Variants in ZZEF1 observed in about 807,000 individuals in gnomAD.
ZZEF1 encodes zinc finger ZZ-type and EF-hand domain-containing protein 1.
ZZEF1 carries 157 observed loss-of-function variants against 342.8 expected under a neutral mutation model. The observed-to-expected ratio is 0.46, with a 90% CI of 0.40 to 0.52. The LOEUF is 0.52. Among genes scored for constraint, ZZEF1 ranks in the 20% least tolerant of loss-of-function variants. The pLI is 0.00. For synonymous variants in ZZEF1, 1,505 were observed against 1,429.1 expected (o/e 1.05, Z -1.20); for missense variants, 3,480 against 3,725.6 (o/e 0.93, Z 1.72).
At chr17:4,026,965 C>A (rs1454726157) in intron 42 of ZZEF1, among the ~76,000 whole-genome samples, 6 of 152,140 alleles carry the variant, frequency 3.9e-5, no homozygotes. Flanking sequence ...CAGACCTGCA[C>A]TATAAATAAT....
intron 30 of ZZEF1, among the ~76,000 whole-genome samples, chr17:4,061,290 C>A (rs1004220692): frequency 6.6e-6 from 1 of 152,196 alleles, no homozygotes; most frequent in Non-Finnish European, 1.5e-5. Flanking sequence ...TCTGGGACAA[C>A]AGCATCCCCT....
chr17:4,015,258 C>A (rs1953715610), intron 49 of ZZEF1, among the ~76,000 whole-genome samples: 1 of 152,134 alleles, frequency 6.6e-6, no homozygotes, highest in African/African-American at 2.4e-5. Context: ...CTGTATGGGA[C>A]CAAGGGAGTG....
chr17:4,135,978 T>G (rs917068301), intron 1 of ZZEF1, among the ~76,000 whole-genome samples: 6 of 150,540 alleles, frequency 4.0e-5, no homozygotes, highest in African/African-American at 1.2e-4. Context: ...TCAGTTACAA[T>G]GTACTCTGAT....
At chr17:4,055,459 T>C (rs542749645) in intron 33 of ZZEF1, among the ~76,000 whole-genome samples, 70 of 152,336 alleles carry the variant, frequency 4.6e-4, no homozygotes, top group Admixed American at 7.2e-4. Context: ...GTGGGCTATC[T>C]GAGCCTGAGC....
At chr17:4,077,196 ATTTT>A (rs72386625) in intron 19 of ZZEF1, among the ~76,000 whole-genome samples, 1 of 151,392 alleles carries the variant, frequency 6.6e-6, no homozygotes, top group Non-Finnish European at 1.5e-5. Flanking sequence ...TTTTAAAGGG[ATTTT>A]TTTTTGTCTT....
At chr17:4,075,463 T>C in intron 21 of ZZEF1, 34 bp from the exon 22 acceptor site, 3 of 1,606,682 alleles carry the variant, frequency 1.9e-6, no homozygotes, top group Non-Finnish European at 2.6e-6. Context: ...GAAAGAAAGG[T>C]TCTATCACTA....
intron 1 of ZZEF1, among the ~76,000 whole-genome samples, chr17:4,136,862 C>T (rs115350873): frequency 2.4e-4 from 37 of 152,110 alleles, no homozygotes; most frequent in African/African-American, 8.4e-4. Flanking sequence ...CTTTGCCAGG[C>T]GAATTCTTCC....
At chr17:4,104,494 T>C in intron 8 of ZZEF1, 139 bp downstream of exon 8, 1 of 867,922 alleles carries the variant, frequency 1.2e-6, no homozygotes, top group South Asian at 1.7e-5. Context: ...ACTCAGAGGA[T>C]ACGTTCATCC....
chr17:4,023,654 TCCAAA>T (rs1299071621), intron 43 of ZZEF1, among the ~76,000 whole-genome samples: 231 of 26,272 alleles, frequency 8.8e-3, no homozygotes, highest in African/African-American at 0.032. Flanking sequence ...ACCCTGTCTC[TCCAAA>T]AAAAAAAAAA....
Position 4,014,014 on chromosome 17 carries a change from G to A in ZZEF1, c.8413+76C>T. 2 of 1,387,218 alleles carry A rather than the reference G, an allele frequency of 1.4e-6. No individual in the cohort carries two copies. The highest frequency in any genetic ancestry group is 2.0e-6 in the Non-Finnish European group (2 of 983,426). 85.9% of individuals were successfully genotyped at this position (1,387,218 alleles called of 1,614,324 possible). ...CCTGCTTTGATTTTAACCAAGATCA[G>A]TGACATCATGGCACCCACAGCCATG... On this transcript the variant is annotated intron_variant, in intron 51 of 54. Transcript: ENST00000381638. The surrounding 1 kb of genome is among the most constrained non-coding windows in gnomAD (Gnocchi z 4.4).
rs548849158 is a variant in ZZEF1, at chr17:4,068,081, A to C, written c.4076-839T>G. Among the ~76,000 whole-genome samples, 127 of 152,316 alleles carry C rather than the reference A, an allele frequency of 8.3e-4. 1 individual carries two copies. Among genetic ancestry groups the C allele is most frequent in the African/African-American group, 3.0e-3 (124 of 41,546 alleles). Reference sequence around the variant, plus strand: ...CAACAGAGCAAGACCCTGTCTCTAAAAACAAACAAAAAAATAAAATGTGTA... The same window carrying C: ...CAACAGAGCAAGACCCTGTCTCTAACAACAAACAAAAAAATAAAATGTGTA... On this transcript the variant is annotated intron_variant, in intron 26 of 54. Coordinates refer to ENST00000381638, the MANE Select transcript of ZZEF1 (RefSeq NM_015113.4).
chr17:4,034,897 C>A (rs972042411), intron 39 of ZZEF1, among the ~76,000 whole-genome samples: 10 of 152,060 alleles, frequency 6.6e-5, no homozygotes, highest in African/African-American at 2.4e-4. Context: ...ACTTGGGAGG[C>A]TGAGGTGAGA....
intron 3 of ZZEF1, 57 bp downstream of exon 3, chr17:4,116,910 CCAACA>C (rs2058403345): frequency 1.1e-5 from 16 of 1,463,456 alleles, no homozygotes; most frequent in Non-Finnish European, 1.5e-5. Flanking sequence ...GCTCATTTTA[CCAACA>C]CAACAGTTAG....
At position 4,051,032 on chromosome 17, in the gene ZZEF1, G is replaced by A; in HGVS notation, c.5612C>T (p.Thr1871Ile). ...AKKYSYGHLP[T>I]HSITAHPMVT... ...CATTGGGTGGGCCGTGATGCTGTGGGTAGGCAAATGGCTGCAAAGGCAAGA... is the reference window on the plus strand; with the variant it reads ...CATTGGGTGGGCCGTGATGCTGTGGATAGGCAAATGGCTGCAAAGGCAAGA... Residue 1871 changes from threonine to isoleucine, a missense_variant, in exon 36 of 55, where the codon ACC (threonine) becomes ATC (isoleucine). Physicochemically the swap from Thr to Ile is moderately conservative, Grantham distance 89. Coordinates refer to ENST00000381638, the MANE Select transcript of ZZEF1 (RefSeq NM_015113.4). The A allele has an allele frequency of 6.2e-7, 1 of 1,614,202 alleles. No homozygotes were observed. Among genetic ancestry groups the A allele is most frequent in the Non-Finnish European group, 8.5e-7 (1 of 1,180,050 alleles).
intron 18 of ZZEF1, among the ~76,000 whole-genome samples, chr17:4,080,426 G>T (rs968472382): frequency 1.3e-5 from 2 of 151,964 alleles, no homozygotes; most frequent in Non-Finnish European, 2.9e-5. Context: ...TACAACCTCC[G>T]CCTCCCAGGT....
intron 1 of ZZEF1, among the ~76,000 whole-genome samples, chr17:4,133,287 T>C (rs536722634): frequency 9.1e-6 from 1 of 109,628 alleles, no homozygotes; most frequent in Non-Finnish European, 2.3e-5. Context: ...ACAGTAACAG[T>C]ACTATTAACC....
Position 4,076,717 on chromosome 17 carries a change from A to AGT in ZZEF1, c.3152_3153dup (p.Cys1052ThrfsTer5). 1 of 1,613,096 alleles carries AGT rather than the reference A, an allele frequency of 6.2e-7. No individual in the cohort carries two copies. The highest frequency in any genetic ancestry group is 8.5e-7 in the Non-Finnish European group (1 of 1,179,098). ...ACGCTGAACTCTCTCAAGAGCACGC[A>AGT]GTGTGGGATGTCTAAAGTGCAGAAG... On this transcript the variant is annotated frameshift_variant, in exon 21 of 55. Coordinates refer to ENST00000381638, the MANE Select transcript of ZZEF1 (RefSeq NM_015113.4). LOFTEE classifies it high-confidence loss of function.
chr17:4,084,448 A>G (rs1353848241), intron 16 of ZZEF1, among the ~76,000 whole-genome samples: 2 of 152,194 alleles, frequency 1.3e-5, no homozygotes, highest in African/African-American at 2.4e-5. Flanking sequence ...AACTATGTTC[A>G]TAAGTAAGAG....
At chr17:4,032,578 C>T (rs1005418809) in intron 41 of ZZEF1, among the ~76,000 whole-genome samples, 4 of 152,236 alleles carry the variant, frequency 2.6e-5, no homozygotes, top group Non-Finnish European at 5.9e-5. Context: ...TGATATATTA[C>T]AGTCACCTAT....
Sources: allele counts gnomAD v4.1 joint callset (sites outside exome capture counted in the v4.1 genomes callset), GRCh38; gene constraint gnomAD v4.1.1; non-coding constraint Gnocchi (gnomAD v3.1); transcripts MANE v1.5; gene names NCBI Gene and HGNC (gene_info 2026-07-23, HGNC 2026-07-21).